Variants in TRPM3 observed in about 807,000 individuals in gnomAD.
TRPM3 encodes transient receptor potential cation channel subfamily M member 3.
TRPM3 carries 77 observed loss-of-function variants against 181.2 expected under a neutral mutation model. The observed-to-expected ratio is 0.42, with a 90% confidence interval of 0.35 to 0.51. TRPM3 has a LOEUF of 0.51. Among genes scored for constraint, TRPM3 ranks in the 20% least tolerant of loss-of-function variants. The pLI, the probability that TRPM3 is intolerant of heterozygous loss-of-function variation, is 0.01. For missense variants in TRPM3, 1,759 were observed against 2,196.7 expected (o/e 0.80, Z 3.98); for synonymous variants, 745 against 796.4 (o/e 0.94, Z 1.09).
At chr9:71,196,416 T>A (rs1381078889) in intron 1 of TRPM3, among the ~76,000 whole-genome samples, 1 of 151,994 alleles carries the variant, frequency 6.6e-6, no homozygotes, top group Non-Finnish European at 1.5e-5. Flanking sequence ...ATTTTTTAAA[T>A]TGTATTTATC....
At chr9:70,928,255 T>C (rs1347990424) in intron 1 of TRPM3, among the ~76,000 whole-genome samples, 1 of 152,238 alleles carries the variant, frequency 6.6e-6, no homozygotes, top group African/African-American at 2.4e-5. Flanking sequence ...GTTTATACAC[T>C]GTAGGATTGC....
At chr9:71,141,227 T>C (rs966869367) in intron 1 of TRPM3, among the ~76,000 whole-genome samples, 3 of 152,208 alleles carry the variant, frequency 2.0e-5, no homozygotes, top group Admixed American at 6.6e-5. Flanking sequence ...TAAGACTGCG[T>C]AACTTAATTT....
intron 8 of TRPM3, among the ~76,000 whole-genome samples, chr9:70,756,471 C>T (rs1376831940): frequency 6.6e-6 from 1 of 152,142 alleles, no homozygotes; most frequent in East Asian, 1.9e-4. Flanking sequence ...ATGACTTGAA[C>T]TCACCTCTGG....
intron 5 of TRPM3, among the ~76,000 whole-genome samples, chr9:70,838,023 G>A (rs927950963): frequency 6.6e-6 from 1 of 152,226 alleles, no homozygotes; most frequent in Admixed American, 6.5e-5. Context: ...TCAAATAAAA[G>A]CTCAATAAAT....
At chr9:71,395,502 G>C (rs997289969) in intron 1 of TRPM3, among the ~76,000 whole-genome samples, 1 of 152,208 alleles carries the variant, frequency 6.6e-6, no homozygotes, top group South Asian at 2.1e-4. Flanking sequence ...GCAATGACAC[G>C]TGGAGCTGCC....
intron 1 of TRPM3, among the ~76,000 whole-genome samples, chr9:70,931,060 G>C (rs897102590): frequency 1.3e-5 from 2 of 151,816 alleles, no homozygotes; most frequent in Admixed American, 6.6e-5. Context: ...GTTTTGAAAA[G>C]TGAAAAGATT....
chr9:71,097,628 A>G (rs2067556476), intron 1 of TRPM3, among the ~76,000 whole-genome samples: 1 of 152,000 alleles, frequency 6.6e-6, no homozygotes, highest in Non-Finnish European at 1.5e-5. Flanking sequence ...AAAAAAAAAA[A>G]GTCCCACTAT....
intron 1 of TRPM3, among the ~76,000 whole-genome samples, chr9:71,395,695 A>C (rs375128451): frequency 1.1e-4 from 17 of 152,218 alleles, no homozygotes; most frequent in African/African-American, 3.9e-4. Flanking sequence ...AAGGTCTTAA[A>C]ATTCTAGTTA....
intron 9 of TRPM3, among the ~76,000 whole-genome samples, chr9:70,664,647 T>TG (rs1306410480): frequency 3.7e-5 from 3 of 81,494 alleles, no homozygotes; most frequent in African/African-American, 1.6e-4. Flanking sequence ...AGTAGTTTTT[T>TG]TTTTTTTTTT....
At chr9:70,843,148 T>A in intron 4 of TRPM3, 21 bp from the exon 5 acceptor site, 2 of 1,594,250 alleles carry the variant, frequency 1.3e-6, no homozygotes, top group Non-Finnish European at 1.7e-6. Flanking sequence ...AAGAGAAGCA[T>A]TGATTTTTTC....
At chr9:71,354,335 T>C (rs1212074584) in intron 1 of TRPM3, among the ~76,000 whole-genome samples, 1 of 152,102 alleles carries the variant, frequency 6.6e-6, no homozygotes, top group African/African-American at 2.4e-5. Flanking sequence ...CTCTATTTTG[T>C]GACTTGGCAG....
rs1413467000 is a variant in TRPM3, at chr9:70,779,832, G to A, written c.1148+4273C>T. Among the ~76,000 whole-genome samples, 3 of 152,068 alleles carry A rather than the reference G, an allele frequency of 2.0e-5. 1 individual carries two copies. In the South Asian group the frequency reaches 6.2e-4, roughly 32 times the overall value. On this transcript the variant is annotated intron_variant, in intron 7 of 25. Coordinates refer to ENST00000677713, the MANE Select transcript of TRPM3 (RefSeq NM_001366145.2). ...AAAGTGACAATTTTCATTAATTAGT[G>A]ACTCATTCTAAACTATGACAGATGA...
intron 1 of TRPM3, among the ~76,000 whole-genome samples, chr9:70,956,636 C>A (rs2097075613): frequency 1.3e-5 from 2 of 152,126 alleles, no homozygotes; most frequent in African/African-American, 4.8e-5. Flanking sequence ...GTAATCCCAG[C>A]ATTCTGGGAG....
rs986947253 is a variant in TRPM3, at chr9:70,867,709, A to C, written c.178-3198T>G. ...ACAATAGAAAGAATGCAGGTATAACACATGAATTAGGAATTCTCCAATATA... is the reference window on the plus strand; with the variant it reads ...ACAATAGAAAGAATGCAGGTATAACCCATGAATTAGGAATTCTCCAATATA... On this transcript the variant is annotated intron_variant, in intron 1 of 25. Transcript: ENST00000677713. Among the ~76,000 whole-genome samples the C allele has an allele frequency of 3.3e-5, 5 of 152,228 alleles. No homozygotes were observed. In the East Asian group the frequency reaches 9.7e-4, roughly 30 times the overall value.
intron 1 of TRPM3, among the ~76,000 whole-genome samples, chr9:71,073,568 T>C (rs1482211279): frequency 6.6e-6 from 1 of 152,192 alleles, no homozygotes; most frequent in African/African-American, 2.4e-5. Flanking sequence ...TGTTCCAAAA[T>C]GCCCATTGAT....
intron 1 of TRPM3, among the ~76,000 whole-genome samples, chr9:71,046,983 T>C (rs1473868502): frequency 1.3e-5 from 2 of 152,174 alleles, no homozygotes; most frequent in South Asian, 2.1e-4. Flanking sequence ...TATGCCAAAA[T>C]AGTCTTACCT....
intron 1 of TRPM3, among the ~76,000 whole-genome samples, chr9:71,134,916 A>G (rs1326574601): frequency 6.6e-6 from 1 of 152,174 alleles, no homozygotes; most frequent in Non-Finnish European, 1.5e-5. Flanking sequence ...GTTGGGGAAA[A>G]ATTCAGTGTG....
intron 1 of TRPM3, among the ~76,000 whole-genome samples, chr9:71,370,891 T>C (rs1433130263): frequency 6.6e-6 from 1 of 152,206 alleles, no homozygotes; most frequent in Non-Finnish European, 1.5e-5. Flanking sequence ...CTGATGACTT[T>C]AACTTGAAGC....
At chr9:71,339,603 A>G (rs900570105) in intron 1 of TRPM3, among the ~76,000 whole-genome samples, 5 of 152,134 alleles carry the variant, frequency 3.3e-5, no homozygotes, top group Non-Finnish European at 1.5e-5. Context: ...TGTTGGCATA[A>G]TTATCATCTA....
Sources: allele counts gnomAD v4.1 joint callset (sites outside exome capture counted in the v4.1 genomes callset), GRCh38; gene constraint gnomAD v4.1.1; transcripts MANE v1.5; gene names NCBI Gene and HGNC (gene_info 2026-07-23, HGNC 2026-07-21).